Variants in AOPEP observed in about 807,000 individuals in gnomAD.
AOPEP encodes the protein aminopeptidase O.
AOPEP carries 77 observed loss-of-function variants against 98.1 expected under a neutral mutation model. That is an observed-to-expected ratio of 0.78 (90% CI 0.65 to 0.95). The LOEUF (loss-of-function observed/expected upper bound fraction) is 0.95. AOPEP is among the 40% of genes least tolerant of loss of function. The pLI, the probability that AOPEP is intolerant of heterozygous loss-of-function variation, is 0.00. For synonymous variants in AOPEP, 346 were observed against 365.3 expected, an observed-to-expected ratio of 0.95 and a Z score of 0.60; for missense variants, 1,024 against 1,024.7, an observed-to-expected ratio of 1.00 and a Z score of 0.01.
chr9:94,805,255 T>A (rs1473473819), intron 5 of AOPEP, among the ~76,000 whole-genome samples: 1 of 152,168 alleles, frequency 6.6e-6, no homozygotes, highest in African/African-American at 2.4e-5. Flanking sequence ...CAGCTGCTGT[T>A]CTTGAGCAGA....
intron 11 of AOPEP, among the ~76,000 whole-genome samples, chr9:94,981,976 A>G (rs2060214073): frequency 6.6e-6 from 1 of 152,184 alleles, no homozygotes; most frequent in African/African-American, 2.4e-5. Context: ...TAAAAAGTGG[A>G]AATAGCTTCA....
At chr9:95,120,508 G>T in the AOPEP span, among the ~76,000 whole-genome samples, 1 of 151,664 alleles carries the variant, frequency 6.6e-6, no homozygotes, top group African/African-American at 2.4e-5. Flanking sequence ...TCCACGTTCT[G>T]GGCTCAAGCA....
chr9:94,891,656 A>C (rs962963983), intron 5 of AOPEP, among the ~76,000 whole-genome samples: 1 of 151,846 alleles, frequency 6.6e-6, no homozygotes, highest in Non-Finnish European at 1.5e-5. Flanking sequence ...TACCCTCCTC[A>C]CTTCTGAAAT....
chr9:94,953,757 C>T (rs1296660926), intron 7 of AOPEP, among the ~76,000 whole-genome samples: 1 of 152,148 alleles, frequency 6.6e-6, no homozygotes, highest in Non-Finnish European at 1.5e-5. Flanking sequence ...TCTCGTGGTT[C>T]CTTGCCTTCC....
chr9:94,914,677 T>G (rs779482370), intron 5 of AOPEP, among the ~76,000 whole-genome samples: 1 of 151,894 alleles, frequency 6.6e-6, no homozygotes, highest in South Asian at 2.1e-4. Flanking sequence ...ATCTTCCCAT[T>G]TATAAACTTT....
intron 1 of AOPEP, among the ~76,000 whole-genome samples, chr9:94,752,027 G>A (rs764215229): frequency 6.6e-6 from 1 of 151,656 alleles, no homozygotes; most frequent in Non-Finnish European, 1.5e-5. Flanking sequence ...TTAGTAACTG[G>A]ACTATAGGCG....
At chr9:94,943,362 G>A (rs1448657250) in intron 7 of AOPEP, among the ~76,000 whole-genome samples, 2 of 152,172 alleles carry the variant, frequency 1.3e-5, no homozygotes, top group Non-Finnish European at 2.9e-5. Context: ...GGGAGGCTGA[G>A]GTGGGCAGAT....
chr9:95,017,346 T>C (rs977902699), intron 13 of AOPEP, among the ~76,000 whole-genome samples: 1 of 152,218 alleles, frequency 6.6e-6, no homozygotes, highest in African/African-American at 2.4e-5. Context: ...CTATTGCTCC[T>C]ACACTTCAAA....
chr9:94,739,551 A>G (rs1042845080), intron 1 of AOPEP, among the ~76,000 whole-genome samples: 1 of 151,796 alleles, frequency 6.6e-6, no homozygotes, highest in African/African-American at 2.4e-5. Context: ...AGGCTGAGGC[A>G]GGCGAATTGC....
At chr9:94,864,381 T>G (rs2045472745) in intron 5 of AOPEP, among the ~76,000 whole-genome samples, 1 of 152,234 alleles carries the variant, frequency 6.6e-6, no homozygotes, top group African/African-American at 2.4e-5. Context: ...AGACATTCAG[T>G]CTTCATCAAA....
chr9:94,844,378 A>G (rs890407855), intron 5 of AOPEP, among the ~76,000 whole-genome samples: 3 of 152,232 alleles, frequency 2.0e-5, no homozygotes, highest in Admixed American at 1.3e-4. Flanking sequence ...GATACATAAT[A>G]TTGTACATAT....
intron 1 of AOPEP, among the ~76,000 whole-genome samples, chr9:94,730,459 A>C (rs1003310696): frequency 6.6e-6 from 1 of 152,140 alleles, no homozygotes; most frequent in Non-Finnish European, 1.5e-5. Flanking sequence ...AGGCGTAGTG[A>C]CCATTGTTCA....
intron 13 of AOPEP, among the ~76,000 whole-genome samples, chr9:95,023,101 C>T (rs142553280): frequency 1.8e-4 from 28 of 152,306 alleles, no homozygotes; most frequent in African/African-American, 6.3e-4. Flanking sequence ...ACAGACTTCA[C>T]GGGAAAACAT....
chr9:94,911,362 G>A (rs976006663), intron 5 of AOPEP, among the ~76,000 whole-genome samples: 2 of 152,254 alleles, frequency 1.3e-5, no homozygotes, highest in African/African-American at 4.8e-5. Context: ...TCATTGCCTA[G>A]TGGCATTCAC....
At position 94,859,635 on chromosome 9, in the gene AOPEP, A is replaced by T. The variant is rs1212466974; in HGVS notation, c.1364+58633A>T. On this transcript the variant is annotated intron_variant, in intron 5 of 16. Transcript: ENST00000375315. ...TCACAGACTCTATTTGTTCCATATG[A>T]ATCAAGTAAGCATCAAGGCTTACTG... is the stretch of plus-strand genomic sequence containing the variant. Among the ~76,000 whole-genome samples, 3 of 152,338 alleles carry T rather than the reference A, an allele frequency of 2.0e-5. No individual in the cohort carries two copies. In the South Asian group the frequency reaches 6.2e-4, roughly 32 times the overall value.
At chr9:94,922,602 C>T (rs1265318219) in intron 5 of AOPEP, among the ~76,000 whole-genome samples, 1 of 152,074 alleles carries the variant, frequency 6.6e-6, no homozygotes, top group Non-Finnish European at 1.5e-5. Flanking sequence ...AGTTTAGTTC[C>T]TGTGTCTCTC....
intron 5 of AOPEP, among the ~76,000 whole-genome samples, chr9:94,812,673 A>G (rs904999819): frequency 1.3e-5 from 2 of 152,092 alleles, no homozygotes; most frequent in African/African-American, 4.8e-5. Context: ...GAGAAATGGC[A>G]TTCACTCTGT....
chr9:95,045,804 A>G (rs10993464), intron 13 of AOPEP, among the ~76,000 whole-genome samples: 119,346 of 152,204 alleles, frequency 0.78, 48,316 homozygotes, highest in Non-Finnish European at 0.89. Context: ...CCTAACCCTC[A>G]TTAAACGAAC....
chr9:95,005,417 G>C, intron 12 of AOPEP, 125 bp from the exon 13 acceptor site: 10 of 1,031,100 alleles, frequency 9.7e-6, no homozygotes, highest in Non-Finnish European at 1.3e-5. Context: ...GGGCGGGCGC[G>C]GGTGGCCTCC....
Sources: allele counts gnomAD v4.1 joint callset (sites outside exome capture counted in the v4.1 genomes callset), GRCh38; gene constraint gnomAD v4.1.1; transcripts MANE v1.5; gene names NCBI Gene and HGNC (gene_info 2026-07-23, HGNC 2026-07-21).